Variants in CPNE2 observed in about 807,000 individuals in gnomAD.
CPNE2 encodes copine-2.
CPNE2 carries 42 observed loss-of-function variants against 69.7 expected under a neutral mutation model. The ratio of observed to expected loss-of-function variants is 0.60; its 90% confidence interval spans 0.47 to 0.78. The LOEUF (loss-of-function observed/expected upper bound fraction) is 0.78, where lower values mean the gene tolerates loss of function less well. CPNE2 is among the 30% of genes least tolerant of loss of function. CPNE2 has a pLI of 0.00. For missense variants in CPNE2, 587 were observed against 732.0 expected (o/e 0.80, Z 2.29); for synonymous variants, 294 against 289.8 (o/e 1.01, Z -0.15).
chr16:57,123,469 T>G lies in CPNE2; in HGVS notation c.923T>G (p.Phe308Cys), dbSNP rs2069777970. The G allele has an allele frequency of 6.2e-7, 1 of 1,613,286 alleles. No homozygotes were observed. Among genetic ancestry groups the G allele is most frequent in the Admixed American group, 1.7e-5 (1 of 60,036 alleles). The change falls in exon 10 of 16, where the codon TTC (phenylalanine) becomes TGC (cysteine). Residue 308 changes from phenylalanine to cysteine, a missense_variant. By Grantham distance (205) the Phe-to-Cys change is radical. Coordinates refer to ENST00000290776, the MANE Select transcript of CPNE2 (RefSeq NM_152727.6). ...ATCCTGGGAGGCTGCCAGCTCATGT[T>G]CACCGTAAGGCTCTCCCCGCTGGCT... ...DYILGGCQLM[F>C]TVGIDFTASN...
At chr16:57,136,842 G>A (rs4783977) in intron 13 of CPNE2, among the ~76,000 whole-genome samples, 143,175 of 152,268 alleles carry the variant, frequency 0.94, 67,325 homozygotes, top group Middle Eastern at 0.98. Context: ...TGAACCTGGG[G>A]GGTGGAGGTT....
At chr16:57,119,948 G>A (rs548728256) in intron 7 of CPNE2, among the ~76,000 whole-genome samples, 1 of 152,328 alleles carries the variant, frequency 6.6e-6, no homozygotes, top group South Asian at 2.1e-4. Flanking sequence ...TTGGCATGAT[G>A]AGGACAGTGA....
intron 1 of CPNE2, among the ~76,000 whole-genome samples, chr16:57,099,983 C>T (rs796224027): frequency 6.6e-6 from 1 of 152,040 alleles, no homozygotes; most frequent in African/African-American, 2.4e-5. Context: ...CCATGCTAGC[C>T]GGGATGGTCT....
At chr16:57,112,699 G>GA (rs2069689260) in intron 2 of CPNE2, 1 of 152,244 alleles carries the variant, frequency 6.6e-6, no homozygotes, top group Non-Finnish European at 1.5e-5. Flanking sequence ...CACAGTAGGT[G>GA]GGGTGTTGGG....
At chr16:57,147,074 C>T (rs1231228861) in intron 15 of CPNE2, 2 of 153,576 alleles carry the variant, frequency 1.3e-5, no homozygotes, top group Non-Finnish European at 2.9e-5. Context: ...GATGGTTCTA[C>T]TCCTTCCTCT....
At chr16:57,128,242 T>C (rs1315826224) in intron 12 of CPNE2, among the ~76,000 whole-genome samples, 2 of 152,198 alleles carry the variant, frequency 1.3e-5, no homozygotes, top group Non-Finnish European at 2.9e-5. Flanking sequence ...TTTATTTATT[T>C]ATTTAGAGAC....
At position 57,121,095 on chromosome 16, in the gene CPNE2, C is replaced by A; in HGVS notation, c.684C>A (p.Val228=). 1 of 1,612,780 alleles carries A rather than the reference C, an allele frequency of 6.2e-7. No homozygotes were observed. Among genetic ancestry groups the A allele is most frequent in the South Asian group, 1.1e-5 (1 of 90,878 alleles). The change falls in exon 8 of 16, where the codon GTC becomes GTA. Residue 228 remains valine, a splice_region_variant and synonymous_variant. Coordinates refer to ENST00000290776, the MANE Select transcript of CPNE2 (RefSeq NM_152727.6). ...TGACCGTGCTGAACCCACCCCAGGT[C>A]ATGTGCTACGACTATGACAATGACG... ...CDGDMEKPIQ[V]MCYDYDNDGG... is the part of the protein sequence containing the mutation.
chr16:57,101,722 G>C (rs73548847), intron 1 of CPNE2, among the ~76,000 whole-genome samples: 10,524 of 152,248 alleles, frequency 0.069, 633 homozygotes, highest in African/African-American at 0.14. Context: ...CCCAGCATCA[G>C]CTGTAGCTTG....
At chr16:57,094,183 C>T (rs898140622) in intron 1 of CPNE2, 13 of 428,958 alleles carry the variant, frequency 3.0e-5, no homozygotes, top group South Asian at 9.7e-5. Flanking sequence ...AGGATGTGGA[C>T]GCTTGGGTTC....
intron 5 of CPNE2, 58 bp downstream of exon 5, chr16:57,117,625 G>T: frequency 1.9e-6 from 3 of 1,587,342 alleles, no homozygotes; most frequent in Non-Finnish European, 2.6e-6. Context: ...CAGCCCCAGG[G>T]CTGTGTGGCC....
At chr16:57,139,809 G>A (rs2069908516) in intron 14 of CPNE2, among the ~76,000 whole-genome samples, 1 of 152,056 alleles carries the variant, frequency 6.6e-6, no homozygotes, top group Non-Finnish European at 1.5e-5. Flanking sequence ...GCCAGGGTTT[G>A]AATCCTGCCG....
At position 57,146,342 on chromosome 16, in the gene CPNE2, G is replaced by A. The variant is rs1180836896; in HGVS notation, c.1539+21G>A. The A allele has an allele frequency of 3.3e-6, 5 of 1,528,420 alleles. No individual in the cohort carries two copies. In the South Asian group the frequency reaches 6.2e-5, roughly 19 times the overall value. 94.7% of individuals were successfully genotyped at this position (1,528,420 alleles called of 1,614,324 possible). On this transcript the variant is annotated intron_variant, in intron 15 of 15. Transcript: ENST00000290776. The surrounding 1 kb of genome is among the most constrained non-coding windows in gnomAD (Gnocchi z 4.4). Reference sequence around the variant, plus strand: ...GCAACGTGAGTGTGGGCCTGGGCTGGGAGGGGGCGGTTACAGGATCCCAGC... The same window carrying A: ...GCAACGTGAGTGTGGGCCTGGGCTGAGAGGGGGCGGTTACAGGATCCCAGC...
intron 3 of CPNE2, 102 bp from the exon 4 acceptor site, chr16:57,115,374 T>G: frequency 2.2e-6 from 2 of 912,016 alleles, no homozygotes; most frequent in Non-Finnish European, 1.8e-6. Flanking sequence ...CAGGGCGGGG[T>G]GCAGCCCTGC....
chr16:57,092,712 T>G lies in CPNE2; in HGVS notation c.-114T>G, dbSNP rs1172419312. On this transcript the variant is annotated 5_prime_UTR_variant, in exon 1 of 16. Transcript: ENST00000290776. This position sits in a 1 kb window ranked among gnomAD's most constrained non-coding sequence, Gnocchi z 5.3. ...GCGGGCCCGGCCGAGCAGGAGCAGCTCCCGGGGATGCCCGGGCGGCTCGGA... is the reference window on the plus strand; with the variant it reads ...GCGGGCCCGGCCGAGCAGGAGCAGCGCCCGGGGATGCCCGGGCGGCTCGGA... 17 of 149,558 alleles carry G rather than the reference T, an allele frequency of 1.1e-4. No individual in the cohort carries two copies. The highest frequency in any genetic ancestry group is 8.7e-4 in the Admixed American group (13 of 15,006). The allele number at this position is 149,558 out of a possible 1,614,324, so 9.3% of individuals were successfully genotyped here.
intron 8 of CPNE2, among the ~76,000 whole-genome samples, 198 bp from the exon 9 acceptor site, chr16:57,121,476 G>A (rs2069761459): frequency 6.6e-6 from 1 of 152,150 alleles, no homozygotes; most frequent in African/African-American, 2.4e-5. Flanking sequence ...TGGACAGTTT[G>A]GGGGTGCGTT....
chr16:57,127,926 T>A, intron 12 of CPNE2, 23 bp downstream of exon 12: 1 of 1,613,570 alleles, frequency 6.2e-7, no homozygotes, highest in Non-Finnish European at 8.5e-7. Context: ...GGAGTTAGTT[T>A]CCTTTTGGTT....
intron 8 of CPNE2, among the ~76,000 whole-genome samples, 191 bp from the exon 9 acceptor site, chr16:57,121,483 C>T (rs1405692165): frequency 2.0e-5 from 3 of 152,040 alleles, no homozygotes; most frequent in Non-Finnish European, 4.4e-5. Flanking sequence ...TTTGGGGGTG[C>T]GTTATCTGGG....
chr16:57,112,619 C>T (rs373804190), intron 2 of CPNE2, among the ~76,000 whole-genome samples: 10 of 152,310 alleles, frequency 6.6e-5, no homozygotes, highest in African/African-American at 1.4e-4. Context: ...GGCCAGGAGG[C>T]GGGTTTCCTG....
chr16:57,093,233 A>AC (rs1186843464), intron 1 of CPNE2, among the ~76,000 whole-genome samples: 6 of 83,138 alleles, frequency 7.2e-5, no homozygotes, highest in African/African-American at 2.3e-4. Flanking sequence ...CTCAACACCC[A>AC]CCCCCTGCCC....
Sources: gnomAD v4.1 joint callset for allele counts (sites outside exome capture counted in the v4.1 genomes callset) on GRCh38, gnomAD v4.1.1 for gene constraint, Gnocchi (gnomAD v3.1) non-coding constraint, MANE v1.5 for transcripts, NCBI Gene and HGNC (gene_info 2026-07-23, HGNC 2026-07-21) for gene names.